Variants in NUP160 observed in about 807,000 individuals in gnomAD.
NUP160 encodes the protein nuclear pore complex protein Nup160.
In NUP160, 94 loss-of-function variants were observed where a neutral mutation model predicts 196.9. That is an observed-to-expected ratio of 0.48 (90% CI 0.40 to 0.57). The LOEUF (loss-of-function observed/expected upper bound fraction) is 0.57, where lower values mean the gene tolerates loss of function less well. Among genes scored for constraint, NUP160 ranks in the 20% least tolerant of loss-of-function variants. NUP160 has a pLI of 0.00. For missense variants in NUP160, 1,638 were observed against 1,748.3 expected, an observed-to-expected ratio of 0.94 and a Z score of 1.13; for synonymous variants, 605 against 619.7, an observed-to-expected ratio of 0.98 and a Z score of 0.35.
At chr11:47,827,445 T>C (rs1851993999) in intron 7 of NUP160, among the ~76,000 whole-genome samples, 1 of 151,728 alleles carries the variant, frequency 6.6e-6, no homozygotes, top group African/African-American at 2.4e-5. Flanking sequence ...TTATACTTAA[T>C]GGTGAAACAC....
chr11:47,798,239 G>GA lies in NUP160; in HGVS notation c.3014dup (p.Lys1006GlnfsTer10). 1 of 1,611,534 alleles carries GA rather than the reference G, an allele frequency of 6.2e-7. No individual in the cohort carries two copies. Among genetic ancestry groups the GA allele is most frequent in the Non-Finnish European group, 8.5e-7 (1 of 1,178,500 alleles). ...TGTGACCCAAATCCAAATGATGTTT[G>GA]AAAATACATGTCCTTAGAGTAGCCT... On this transcript the variant is annotated frameshift_variant, in exon 25 of 36. Coordinates refer to ENST00000378460, the Ensembl canonical transcript of NUP160. LOFTEE classifies it high-confidence loss of function.
chr11:47,821,715 G>C lies in NUP160; in HGVS notation c.1277+9C>G. ...GTGAGGTAGGATGACAGAATTAAGT[G>C]ACCCATACTGTTCAAAGTTGATGTA... is the stretch of plus-strand genomic sequence containing the variant. On this transcript the variant is annotated intron_variant, in intron 9 of 35. Transcript: ENST00000378460. The C allele has an allele frequency of 6.3e-7, 1 of 1,591,956 alleles. No homozygotes were observed. Among genetic ancestry groups the C allele is most frequent in the Non-Finnish European group, 8.6e-7 (1 of 1,159,786 alleles).
intron 18 of NUP160, 86 bp from the exon 19 acceptor site, chr11:47,807,226 A>G (rs1183507484): frequency 1.0e-5 from 8 of 786,490 alleles, no homozygotes; most frequent in Non-Finnish European, 1.5e-5. Flanking sequence ...GAACACTGTC[A>G]ATTTAATTAA....
intron 34 of NUP160, among the ~76,000 whole-genome samples, chr11:47,782,818 C>T (rs2097662239): frequency 6.6e-6 from 1 of 152,110 alleles, no homozygotes; most frequent in Non-Finnish European, 1.5e-5. Context: ...GCCACTGCAT[C>T]TGGCTAATTT....
At chr11:47,836,352 G>T (rs1322612980) in intron 6 of NUP160, among the ~76,000 whole-genome samples, 1 of 152,160 alleles carries the variant, frequency 6.6e-6, no homozygotes, top group African/African-American at 2.4e-5. Flanking sequence ...TTTTTTAGAT[G>T]AATCTTGAAA....
At position 47,813,916 on chromosome 11, in the gene NUP160, A is replaced by T. The variant is rs2097682616; in HGVS notation, c.1687-501T>A. On this transcript the variant is annotated intron_variant, in intron 13 of 35. Transcript: ENST00000378460. ...GAAACCCCGTCTCTACTAAAAATAC[A>T]AAAAATTAGCCAGGTGTGGTGGCGG... 2.6e-5 allele frequency among the ~76,000 whole-genome samples: 4 copies of T among 151,848 alleles called. No homozygotes were observed. In the South Asian group the frequency reaches 6.2e-4, roughly 24 times the overall value.
At chr11:47,839,046 G>GCA (rs552168618) in intron 4 of NUP160, among the ~76,000 whole-genome samples, 284 of 151,892 alleles carry the variant, frequency 1.9e-3, no homozygotes, top group South Asian at 4.8e-3. Flanking sequence ...TCATGTCACT[G>GCA]CACTACATAA....
chr11:47,782,303 A>AATATATATATATAT (rs10529981), intron 34 of NUP160, among the ~76,000 whole-genome samples: 1 of 40,526 alleles, frequency 2.5e-5, no homozygotes, highest in Non-Finnish European at 4.4e-5. Context: ...AAAAAAAAAA[A>AATATATATATATAT]ATATATATAT....
chr11:47,780,000 G>A (rs966945756), intron 35 of NUP160, among the ~76,000 whole-genome samples: 1 of 152,206 alleles, frequency 6.6e-6, no homozygotes, highest in African/African-American at 2.4e-5. Flanking sequence ...AAAGTGCTGG[G>A]ATTATAGGCG....
chr11:47,783,996 C>T (rs1007902201), intron 33 of NUP160, among the ~76,000 whole-genome samples: 2 of 114,792 alleles, frequency 1.7e-5, no homozygotes, highest in African/African-American at 6.0e-5. Context: ...GCCCGGCCTC[C>T]TTTCTACCTT....
intron 17 of NUP160, among the ~76,000 whole-genome samples, chr11:47,810,323 A>G (rs1480085248): frequency 6.6e-6 from 1 of 151,864 alleles, no homozygotes; most frequent in East Asian, 1.9e-4. Flanking sequence ...TCAGCCTCCC[A>G]AGTAGCAAGG....
At chr11:47,782,057 G>A (rs2135337953) in intron 34 of NUP160, among the ~76,000 whole-genome samples, 1 of 151,964 alleles carries the variant, frequency 6.6e-6, no homozygotes, top group South Asian at 2.1e-4. Context: ...GAGGTGGGTG[G>A]ATCACTTGAG....
rs571295869 is a variant in NUP160, at chr11:47,791,018, G to A, written c.3511+912C>T. 5.3e-5 allele frequency among the ~76,000 whole-genome samples: 8 copies of A among 152,230 alleles called. 1 individual carries two copies. The South Asian group carries it at 1.7e-3, about 32-fold the overall frequency. On this transcript the variant is annotated intron_variant, in intron 29 of 35. Transcript: ENST00000378460. Reference sequence around the variant, plus strand: ...TTTGCAAATCATGTTAGAGTCTATAGATATGCCTTTTTTTATAGCAATACT... The same window carrying A: ...TTTGCAAATCATGTTAGAGTCTATAAATATGCCTTTTTTTATAGCAATACT...
At chr11:47,780,582 G>C (rs972423256) in intron 34 of NUP160, 135 bp from the exon 35 acceptor site, 2 of 506,954 alleles carry the variant, frequency 3.9e-6, no homozygotes, top group Non-Finnish European at 3.5e-6. Flanking sequence ...CTGTCGCCCA[G>C]GCTGAGTGCA....
chr11:47,797,079 A>G (rs1599312848), intron 27 of NUP160, among the ~76,000 whole-genome samples: 2 of 152,322 alleles, frequency 1.3e-5, no homozygotes, highest in East Asian at 3.9e-4. Context: ...AATGCGGAAT[A>G]TCATCTATTA....
chr11:47,818,061 A>G (rs901751266), exon 11 of NUP160: 2 of 1,606,620 alleles, frequency 1.2e-6, no homozygotes, highest in African/African-American at 2.7e-5. Context: ...CTGACCTGTA[A>G]AGCCTTACAT....
chr11:47,828,521 T>C (rs2135391790), intron 7 of NUP160, among the ~76,000 whole-genome samples: 1 of 152,290 alleles, frequency 6.6e-6, no homozygotes, highest in Middle Eastern at 3.4e-3. Flanking sequence ...TATAATATCA[T>C]CTATAGAGGC....
At chr11:47,840,150 T>A (rs1486277484) in intron 3 of NUP160, 85 bp from the exon 4 acceptor site, 2 of 1,062,364 alleles carry the variant, frequency 1.9e-6, no homozygotes, top group Admixed American at 4.7e-5. Context: ...AAAAAGTTTT[T>A]AAAGTAAAAA....
chr11:47,801,047 A>C (rs927966687), intron 23 of NUP160, among the ~76,000 whole-genome samples: 1 of 152,176 alleles, frequency 6.6e-6, no homozygotes, highest in Non-Finnish European at 1.5e-5. Context: ...TGAATGAGAC[A>C]GTAAGAAGGT....
Sources: allele counts gnomAD v4.1 joint callset (sites outside exome capture counted in the v4.1 genomes callset), GRCh38; gene constraint gnomAD v4.1.1; transcripts MANE v1.5; gene names NCBI Gene and HGNC (gene_info 2026-07-23, HGNC 2026-07-21).